Variants in RAPGEF1 observed in about 807,000 individuals in gnomAD.
RAPGEF1 encodes Rap guanine nucleotide exchange factor 1.
RAPGEF1 carries 33 observed loss-of-function variants against 143.3 expected under a neutral mutation model. The observed-to-expected ratio is 0.23, with a 90% CI of 0.17 to 0.31. The LOEUF (loss-of-function observed/expected upper bound fraction) is 0.31, where lower values mean the gene tolerates loss of function less well. Among genes scored for constraint, RAPGEF1 ranks in the 10% least tolerant of loss-of-function variants. The probability of loss-of-function intolerance (pLI) is 1.00; values close to 1 mark genes in which losing one functional copy is unlikely to be tolerated. For synonymous variants in RAPGEF1, 629 were observed against 676.5 expected, an observed-to-expected ratio of 0.93 and a Z score of 1.09; for missense variants, 1,199 against 1,645.4, an observed-to-expected ratio of 0.73 and a Z score of 4.69.
At chr9:131,635,635 C>T (rs376879398) in intron 5 of RAPGEF1, among the ~76,000 whole-genome samples, 10 of 152,172 alleles carry the variant, frequency 6.6e-5, no homozygotes, top group East Asian at 3.9e-4. Context: ...CTGAAAGGGA[C>T]GGTGAGAGAG....
At chr9:131,649,200 A>ATTTTTTTT (rs55813422) in intron 3 of RAPGEF1, among the ~76,000 whole-genome samples, 7 of 87,234 alleles carry the variant, frequency 8.0e-5, no homozygotes, top group African/African-American at 1.4e-4. Context: ...GCCTGGCTAA[A>ATTTTTTTT]TTTTTTTTTT....
chr9:131,670,784 T>G (rs1322534545), intron 1 of RAPGEF1, among the ~76,000 whole-genome samples: 1 of 152,112 alleles, frequency 6.6e-6, no homozygotes, highest in Non-Finnish European at 1.5e-5. Flanking sequence ...AAATAATGGG[T>G]TGGGGAAGAA....
At chr9:131,663,296 G>A (rs1018327467) in intron 1 of RAPGEF1, among the ~76,000 whole-genome samples, 4 of 152,076 alleles carry the variant, frequency 2.6e-5, no homozygotes, top group African/African-American at 9.7e-5. Flanking sequence ...AGTTGCACAC[G>A]TTATAACACA....
intron 1 of RAPGEF1, among the ~76,000 whole-genome samples, chr9:131,652,195 C>T (rs1971235728): frequency 6.6e-6 from 1 of 152,108 alleles, no homozygotes; most frequent in Non-Finnish European, 1.5e-5. Flanking sequence ...AGTAAGTTAA[C>T]CTTAGCTTAC....
chr9:131,599,150 A>C (rs1955830550), intron 15 of RAPGEF1, among the ~76,000 whole-genome samples: 1 of 142,266 alleles, frequency 7.0e-6, no homozygotes, highest in Non-Finnish European at 1.5e-5. Flanking sequence ...TTTGAGACAG[A>C]GTCTCCCTCT....
At chr9:131,669,208 C>T (rs1441211282) in intron 1 of RAPGEF1, among the ~76,000 whole-genome samples, 4 of 152,208 alleles carry the variant, frequency 2.6e-5, no homozygotes, top group Non-Finnish European at 5.9e-5. Context: ...ACAGGCCACC[C>T]TCTGGGCCTC....
At chr9:131,681,110 T>C (rs1324171264) in intron 1 of RAPGEF1, among the ~76,000 whole-genome samples, 1 of 152,104 alleles carries the variant, frequency 6.6e-6, no homozygotes, top group African/African-American at 2.4e-5. Flanking sequence ...AAGGAGAGTA[T>C]AGCTAGGTAA....
chr9:131,595,937 C>T (rs1376941139), intron 17 of RAPGEF1, among the ~76,000 whole-genome samples: 2 of 152,154 alleles, frequency 1.3e-5, no homozygotes. Flanking sequence ...ACTCAGCAGT[C>T]AGGAAAGGAA....
intron 1 of RAPGEF1, among the ~76,000 whole-genome samples, chr9:131,734,234 A>T (rs1837275611): frequency 6.6e-6 from 1 of 152,146 alleles, no homozygotes; most frequent in Admixed American, 6.5e-5. Context: ...TCCCCATTCC[A>T]CTTCTCCAGG....
rs1263161431 is a variant in RAPGEF1, at chr9:131,583,479, CCTGG to C, written c.3415-781_3415-778del. On this transcript the variant is annotated intron_variant, in intron 24 of 26. Transcript: ENST00000683357. This position sits in a 1 kb window ranked among gnomAD's most constrained non-coding sequence, Gnocchi z 4.7. The stretch of plus-strand genomic sequence containing the variant: ...GGTTCCTGACACGACCCCCAGGTGG[CCTGG>C]CTGACGCTCGGGTTCCTGACATGAC... Among the ~76,000 whole-genome samples, 3 of 151,370 alleles carry C rather than the reference CCTGG, an allele frequency of 2.0e-5. No individual in the cohort carries two copies. In the East Asian group the frequency reaches 5.8e-4, roughly 29 times the overall value.
At chr9:131,620,587 C>A (rs1564543646) in intron 11 of RAPGEF1, among the ~76,000 whole-genome samples, 1 of 152,130 alleles carries the variant, frequency 6.6e-6, no homozygotes. Context: ...ACGTGCGACA[C>A]GGCTAACAAG....
At chr9:131,604,851 C>A in intron 13 of RAPGEF1, 80 bp downstream of exon 13, 1 of 1,216,114 alleles carries the variant, frequency 8.2e-7, no homozygotes, top group Non-Finnish European at 1.1e-6. Flanking sequence ...AACGTGAAAC[C>A]GCTTTTTAAA....
At chr9:131,664,801 T>C (rs1830165765) in intron 1 of RAPGEF1, among the ~76,000 whole-genome samples, 1 of 152,252 alleles carries the variant, frequency 6.6e-6, no homozygotes. Flanking sequence ...TCATTTAATA[T>C]ACAGTTAGGT....
At chr9:131,596,979 G>A (rs896136422) in intron 16 of RAPGEF1, among the ~76,000 whole-genome samples, 3 of 152,146 alleles carry the variant, frequency 2.0e-5, no homozygotes, top group Non-Finnish European at 4.4e-5. Context: ...CTGCACACCT[G>A]CCACCAACCC....
At chr9:131,728,754 T>G (rs73544939) in intron 1 of RAPGEF1, among the ~76,000 whole-genome samples, 3,964 of 152,330 alleles carry the variant, frequency 0.026, 191 homozygotes, top group African/African-American at 0.09. Flanking sequence ...GTTACCAGAT[T>G]ACCATTTTTA....
At position 131,628,229 on chromosome 9, in the gene RAPGEF1, C is replaced by T; in HGVS notation, c.1018-133G>A. 1.1e-6 allele frequency: 1 copy of T among 889,142 alleles called. No individual in the cohort carries two copies. The highest frequency in any genetic ancestry group is 1.8e-5 in the South Asian group (1 of 55,740). The allele number at this position is 889,142 out of a possible 1,614,324, so 55.1% of individuals were successfully genotyped here. A position where few individuals can be genotyped will look rare whatever the true frequency, so the allele number is the denominator to read the frequency against. ...CGAACTCAGAAACCACCTCTGACGTCAGTAGTCGAAGGACACATACAGCTG... is the reference window on the plus strand; with the variant it reads ...CGAACTCAGAAACCACCTCTGACGTTAGTAGTCGAAGGACACATACAGCTG... On this transcript the variant is annotated intron_variant, in intron 8 of 26. Transcript: ENST00000683357. The surrounding 1 kb of genome is among the most constrained non-coding windows in gnomAD (Gnocchi z 5.7).
intron 1 of RAPGEF1, among the ~76,000 whole-genome samples, chr9:131,707,527 G>A (rs980617036): frequency 2.6e-5 from 4 of 151,958 alleles, no homozygotes; most frequent in South Asian, 4.2e-4. Flanking sequence ...TACAACCTCC[G>A]CCTCCTGGGC....
rs563807289 is a variant in RAPGEF1 at position 131,679,713 on chromosome 9, G to A, written c.62-28764C>T. On this transcript the variant is annotated intron_variant, in intron 1 of 26. Coordinates refer to ENST00000683357, the MANE Select transcript of RAPGEF1 (RefSeq NM_001377935.1). ...ACGCAGCGGGGACTCCGCCAGGGAA[G>A]GGTCTTCATTCAAGTTGCCCACTCG... 2.0e-5 allele frequency among the ~76,000 whole-genome samples: 3 copies of A among 152,336 alleles called. No individual in the cohort carries two copies. The East Asian group carries it at 5.8e-4, about 29-fold the overall frequency.
chr9:131,659,180 T>C lies in RAPGEF1; in HGVS notation c.62-8231A>G, dbSNP rs187459911. 5.9e-5 allele frequency among the ~76,000 whole-genome samples: 9 copies of C among 152,308 alleles called. No individual in the cohort carries two copies. In the East Asian group the frequency reaches 1.5e-3, roughly 26 times the overall value. On this transcript the variant is annotated intron_variant, in intron 1 of 26. Coordinates refer to ENST00000683357, the MANE Select transcript of RAPGEF1 (RefSeq NM_001377935.1). Reference sequence around the variant, plus strand: ...AAGGACAAATGGAGTGGAGGCGTGATTGAGGACATTAGGAAAAGCTTTTTT... The same window carrying C: ...AAGGACAAATGGAGTGGAGGCGTGACTGAGGACATTAGGAAAAGCTTTTTT...
Sources: allele counts gnomAD v4.1 joint callset (sites outside exome capture counted in the v4.1 genomes callset), GRCh38; gene constraint gnomAD v4.1.1; non-coding constraint Gnocchi (gnomAD v3.1); transcripts MANE v1.5; gene names NCBI Gene and HGNC (gene_info 2026-07-23, HGNC 2026-07-21).